SALL2: variants seen among roughly 807,000 people sequenced by gnomAD.
SALL2 encodes the protein sal-like protein 2.
A neutral mutation model predicts 58.5 loss-of-function variants in SALL2; 32 were observed. That is an observed-to-expected ratio of 0.55 (90% CI 0.41 to 0.74). The LOEUF (loss-of-function observed/expected upper bound fraction) is 0.74, where lower values mean the gene tolerates loss of function less well. SALL2 is among the 30% of genes least tolerant of loss of function. The pLI, the probability that SALL2 is intolerant of heterozygous loss-of-function variation, is 0.00. For missense variants in SALL2, 1,201 were observed against 1,268.9 expected (o/e 0.95, Z 0.81); for synonymous variants, 516 against 513.6 (o/e 1.00, Z -0.06).
intron 1 of SALL2, among the ~76,000 whole-genome samples, chr14:21,535,036 A>AT (rs1227279842): frequency 6.6e-6 from 1 of 152,160 alleles, no homozygotes; most frequent in Non-Finnish European, 1.5e-5. Flanking sequence ...AGAGCTTTTC[A>AT]TGACACGTCT....
Position 21,524,352 on chromosome 14 carries a change from T to G in SALL2, c.1370A>C (p.Glu457Ala), listed in dbSNP as rs759953945. ...AGTGGCTGCCTCCTCCTCGGCCTTC[T>G]CTGGTGGCACGGACATACCATAAGG... ...GLPYGMSVPP[E>A]KAEEEAATPG... The change falls in exon 2 of 2, where the codon GAG becomes GCG. Residue 457 changes from glutamate (E) to alanine (A), a missense_variant. By Grantham distance (107) the Glu-to-Ala change is moderately radical (BLOSUM62 -1). Around this residue, in one of 3 missense-constraint regions of SALL2, gnomAD observed 675 missense variants for 683.8 expected, o/e 0.99. Transcript: ENST00000537235. 6.2e-7 allele frequency: 1 copy of G among 1,614,140 alleles called. No homozygotes were observed. Among genetic ancestry groups the G allele is most frequent in the Non-Finnish European group, 8.5e-7 (1 of 1,180,018 alleles).
At chr14:21,529,807 C>T (rs1299407333), upstream of SALL2, among the ~76,000 whole-genome samples, 1 of 152,060 alleles carries the variant, frequency 6.6e-6, no homozygotes, top group Non-Finnish European at 1.5e-5. Flanking sequence ...ACCAACCAAA[C>T]TTAAAAAAAA....
Position 21,525,756 on chromosome 14 carries a change from G to A in SALL2, c.68-102C>T. On this transcript the variant is annotated intron_variant, in intron 1 of 1. Transcript: ENST00000537235. The surrounding 1 kb of genome is among the most constrained non-coding windows in gnomAD (Gnocchi z 4.4). ...GCCAGTAACCGCTAGTTGGGGGTGG[G>A]GAGATGAGCTCACCATCAGGGCCAT... The A allele has an allele frequency of 1.5e-6, 2 of 1,303,632 alleles. No homozygotes were observed. The highest frequency in any genetic ancestry group is 1.5e-5 in the South Asian group (1 of 66,258). 80.8% of individuals were successfully genotyped at this position (1,303,632 alleles called of 1,614,324 possible). A position where few individuals can be genotyped will look rare whatever the true frequency, so the allele number is the denominator to read the frequency against.
chr14:21,525,470 G>T lies in SALL2; in HGVS notation c.252C>A (p.His84Gln), dbSNP rs1892259427. ...CTGTGTCCATGACCTGAGGATTATT[G>T]TGACCCTCAGGCCGGGGTTCAGAGG... ...SASSEPRPEG[H>Q]NNPQVMDTEH... Residue 84 changes from histidine (H) to glutamine (Q), a missense_variant, in exon 2 of 2, where the codon CAC becomes CAA. His to Gln is a conservative substitution (Grantham distance 24). Around this residue, in one of 3 missense-constraint regions of SALL2, gnomAD observed 467 missense variants for 468.9 expected, o/e 1.00. Coordinates refer to ENST00000537235, the MANE Select transcript of SALL2 (RefSeq NM_001364564.1). This position sits in a 1 kb window ranked among gnomAD's most constrained non-coding sequence, Gnocchi z 4.4. 7 of 1,613,878 alleles carry T rather than the reference G, an allele frequency of 4.3e-6. No individual in the cohort carries two copies. The highest frequency in any genetic ancestry group is 5.9e-6 in the Non-Finnish European group (7 of 1,179,880).
intron 1 of SALL2, among the ~76,000 whole-genome samples, chr14:21,532,531 TTCAGGAGGCTGAGGCAGGAG>T (rs1238994013): frequency 6.6e-6 from 1 of 151,912 alleles, no homozygotes; most frequent in Admixed American, 6.6e-5. Flanking sequence ...ATCCCAGCTG[TTCAGGAGGCTGAGGCAGGAG>T]AATCTCTTGA....
Position 21,525,336 on chromosome 14 carries a change from CCTGTGG to C in SALL2, c.380_385del (p.Ala127_Thr128del). 6.2e-7 allele frequency: 1 copy of C among 1,613,922 alleles called. No homozygotes were observed. Among genetic ancestry groups the C allele is most frequent in the Non-Finnish European group, 8.5e-7 (1 of 1,179,864 alleles). On this transcript the variant is annotated inframe_deletion, in exon 2 of 2. Coordinates refer to ENST00000537235, the MANE Select transcript of SALL2 (RefSeq NM_001364564.1). The surrounding 1 kb of genome is among the most constrained non-coding windows in gnomAD (Gnocchi z 4.4). ...GCCCCCGCCTCCCCCAGCCGCTGTACCTGTGGCAGCGACCAGGAAATGCCCTGAAGA... is the reference window on the plus strand; with the variant it reads ...GCCCCCGCCTCCCCCAGCCGCTGTACCAGCGACCAGGAAATGCCCTGAAGA...
chr14:21,528,170 T>C (rs571649851), upstream of SALL2, among the ~76,000 whole-genome samples: 5 of 151,936 alleles, frequency 3.3e-5, no homozygotes, highest in Non-Finnish European at 2.9e-5. Flanking sequence ...AAAATTAATA[T>C]GTACATGTGA....
At chr14:21,532,734 T>G (rs186461679) in intron 1 of SALL2, among the ~76,000 whole-genome samples, 1 of 152,040 alleles carries the variant, frequency 6.6e-6, no homozygotes, top group African/African-American at 2.4e-5. Flanking sequence ...GAGGCCAAAG[T>G]GGGCGGATCA....
Position 21,524,664 on chromosome 14 carries a change from C to A in SALL2, c.1058G>T (p.Gly353Val), listed in dbSNP as rs776662797. Residue 353 changes from glycine to valine, a missense_variant, in exon 2 of 2, where the codon GGT becomes GTT. Gly to Val is a moderately radical substitution (Grantham distance 109). Around this residue, in one of 3 missense-constraint regions of SALL2, gnomAD observed 467 missense variants for 468.9 expected, o/e 1.00. Coordinates refer to ENST00000537235, the MANE Select transcript of SALL2 (RefSeq NM_001364564.1). The stretch of plus-strand genomic sequence containing the variant: ...CATCACTTCTCCGTAGCTCAGCTCA[C>A]CACTTCCATTCTTTGGCTTCAGGAG... ...PGLLKPKNGS[G>V]ELSYGEVMGP... is the part of the protein sequence containing the mutation. 2 of 1,613,978 alleles carry A rather than the reference C, an allele frequency of 1.2e-6. No individual in the cohort carries two copies.
chr14:21,535,975 G>A (rs530228416), intron 1 of SALL2, among the ~76,000 whole-genome samples: 95 of 152,250 alleles, frequency 6.2e-4, no homozygotes, highest in Non-Finnish European at 9.9e-4. Flanking sequence ...CTACCAGCCA[G>A]CCCTGAGCAT....
At chr14:21,526,525 C>T, upstream of SALL2, 1 of 1,142,422 alleles carries the variant, frequency 8.8e-7, no homozygotes, top group Non-Finnish European at 1.1e-6. Flanking sequence ...GTCCACCTTT[C>T]CCGGTCCCTG....
exon 1 of SALL2, chr14:21,537,030 C>T (rs1892616338): frequency 1.2e-6 from 1 of 803,270 alleles, no homozygotes; most frequent in Non-Finnish European, 2.2e-6. Flanking sequence ...GCCTCTCCCC[C>T]AGCGCAAATC....
exon 1 of SALL2, chr14:21,537,011 C>A: frequency 1.0e-6 from 1 of 985,350 alleles, no homozygotes; most frequent in Non-Finnish European, 1.6e-6. Flanking sequence ...GGGTCCGAAG[C>A]CAATTGATGC....
In SALL2 at chr14:21,525,630, G is replaced by A. The variant is rs774143966; in HGVS notation, c.92C>T (p.Pro31Leu). ...LGGDASEEDH[P>L]QVCAKCCAQF... is the part of the protein sequence containing the mutation. ...TGCGCAGCACTTGGCACAGACTTGG[G>A]GGTGATCCTCCTCGCTAGCATCACC... Residue 31 changes from proline to leucine, a missense_variant, in exon 2 of 2, where the codon CCC becomes CTC. Physicochemically the swap from Pro to Leu is moderately conservative, Grantham distance 98 (BLOSUM62 -3). Coordinates refer to ENST00000537235, the MANE Select transcript of SALL2 (RefSeq NM_001364564.1). This position sits in a 1 kb window ranked among gnomAD's most constrained non-coding sequence, Gnocchi z 4.4. 1.3e-6 allele frequency: 2 copies of A among 1,588,482 alleles called. No homozygotes were observed. Among genetic ancestry groups the A allele is most frequent in the Non-Finnish European group, 1.7e-6 (2 of 1,165,152 alleles).
intron 1 of SALL2, among the ~76,000 whole-genome samples, chr14:21,532,061 A>T (rs574370256): frequency 6.6e-6 from 1 of 152,304 alleles, no homozygotes; most frequent in Admixed American, 6.5e-5. Flanking sequence ...GGGTACTGCC[A>T]TACAAAGGAA....
At position 21,521,948 on chromosome 14, in the gene SALL2, G is replaced by C; in HGVS notation, c.*756C>G. 6.7e-7 allele frequency: 1 copy of C among 1,491,404 alleles called. No individual in the cohort carries two copies. The highest frequency in any genetic ancestry group is 8.9e-7 in the Non-Finnish European group (1 of 1,118,178). 92.4% of individuals were successfully genotyped at this position (1,491,404 alleles called of 1,614,324 possible). On this transcript the variant is annotated 3_prime_UTR_variant, in exon 2 of 2. Transcript: ENST00000537235. ...CCTAGGGTTGGGTCACCAATTACTG[G>C]AGCATCTTCAGTACCGGCACCTTCT... is the stretch of plus-strand genomic sequence containing the variant.
rs1892310806 is a variant in SALL2 at position 21,526,314 on chromosome 14, G to A, written c.-187C>T. On this transcript the variant is annotated 5_prime_UTR_variant, in exon 1 of 2. Coordinates refer to ENST00000537235, the MANE Select transcript of SALL2 (RefSeq NM_001364564.1). Reference sequence around the variant, plus strand: ...GAGGGGAGCGAGGAGGCGGGGAGAAGCTGGAGTGAGAAAGCGGGGAGAGGG... The same window carrying A: ...GAGGGGAGCGAGGAGGCGGGGAGAAACTGGAGTGAGAAAGCGGGGAGAGGG... 1 of 1,435,068 alleles carries A rather than the reference G, an allele frequency of 7.0e-7. No individual in the cohort carries two copies. The highest frequency in any genetic ancestry group is 2.5e-5 in the East Asian group (1 of 39,826). 88.9% of individuals were successfully genotyped at this position (1,435,068 alleles called of 1,614,324 possible).
intron 1 of SALL2, among the ~76,000 whole-genome samples, chr14:21,536,054 T>G (rs1327173158): frequency 6.6e-6 from 1 of 152,174 alleles, no homozygotes; most frequent in Non-Finnish European, 1.5e-5. Context: ...CACTCTTCAA[T>G]TCCCTGCTTG....
Position 21,521,974 on chromosome 14 carries a change from G to T in SALL2, c.*730C>A. 6.5e-7 allele frequency: 1 copy of T among 1,527,234 alleles called. No individual in the cohort carries two copies. The allele number at this position is 1,527,234 out of a possible 1,614,324, so 94.6% of individuals were successfully genotyped here. A position where few individuals can be genotyped will look rare whatever the true frequency, so the allele number is the denominator to read the frequency against. On this transcript the variant is annotated 3_prime_UTR_variant, in exon 2 of 2. Coordinates refer to ENST00000537235, the MANE Select transcript of SALL2 (RefSeq NM_001364564.1). ...AGCATCTTCAGTACCGGCACCTTCT[G>T]GAGCAGGGGGAGGAAGAAGGAATGT... is the stretch of plus-strand genomic sequence containing the variant.
Sources: gnomAD v4.1 joint callset for allele counts (sites outside exome capture counted in the v4.1 genomes callset) on GRCh38, gnomAD v4.1.1 for gene constraint, gnomAD v4.1.1 regional missense constraint, Gnocchi (gnomAD v3.1) non-coding constraint, MANE v1.5 for transcripts, NCBI Gene and HGNC (gene_info 2026-07-23, HGNC 2026-07-21) for gene names.